The following ZNFX1 variants were observed in gnomAD, a reference collection of about 807,000 sequenced individuals.
ZNFX1 encodes zinc finger NFX1-type containing 1.
In ZNFX1, 78 loss-of-function variants were observed where a neutral mutation model predicts 179.8. The ratio of observed to expected loss-of-function variants is 0.43; its 90% CI spans 0.36 to 0.52. ZNFX1 has a LOEUF of 0.52. ZNFX1 is among the 20% of genes least tolerant of loss of function. The probability of loss-of-function intolerance (pLI) is 0.00; values close to 1 mark genes in which losing one functional copy is unlikely to be tolerated. For synonymous variants in ZNFX1, 848 were observed against 868.5 expected, an observed-to-expected ratio of 0.98 and a Z score of 0.42; for missense variants, 1,927 against 2,386.6, an observed-to-expected ratio of 0.81 and a Z score of 4.01.
rs1980702383 is a variant in ZNFX1, at chr20:49,247,308, T to G, written c.5716A>C (p.Asn1906His). 6.2e-7 allele frequency: 1 copy of G among 1,613,376 alleles called. No individual in the cohort carries two copies. The highest frequency in any genetic ancestry group is 1.3e-5 in the African/African-American group (1 of 74,936). The change falls in exon 14 of 14, where the codon AAC becomes CAC. Residue 1906 changes from asparagine to histidine, a missense_variant. Asn to His is a moderately conservative substitution (Grantham distance 68). Coordinates refer to ENST00000396105, the MANE Select transcript of ZNFX1 (RefSeq NM_021035.3). ...ATCTCCTCAAAGTTCATCAGGTTGTTGGCCGTGTCAGACCAGGCAGCATGC... is the reference window on the plus strand; with the variant it reads ...ATCTCCTCAAAGTTCATCAGGTTGTGGGCCGTGTCAGACCAGGCAGCATGC... Reference protein sequence around the residue: ...AQHAAWSDTANNLMNFEEIQG... With the variant: ...AQHAAWSDTAHNLMNFEEIQG...
Position 49,265,004 on chromosome 20 carries a change from A to G in ZNFX1, c.2003-140T>C, listed in dbSNP as rs1323153924. On this transcript the variant is annotated intron_variant, in intron 4 of 13. Transcript: ENST00000396105. ...TTAAAGGAAATTTACCCCATTAATG[A>G]GTGAGAAGGTCCCCGAGAAGATGTG... 4 of 1,106,388 alleles carry G rather than the reference A, an allele frequency of 3.6e-6. No individual in the cohort carries two copies. In the East Asian group the frequency reaches 9.6e-5, roughly 27 times the overall value. 68.5% of individuals were successfully genotyped at this position (1,106,388 alleles called of 1,614,324 possible).
chr20:49,272,365 T>C (rs1393763602), intron 2 of ZNFX1, among the ~76,000 whole-genome samples: 1 of 152,046 alleles, frequency 6.6e-6, no homozygotes, highest in Admixed American at 6.6e-5. Context: ...TTAGTAGAGA[T>C]GGGGTTTCAC....
chr20:49,259,797 C>A (rs767852239), intron 7 of ZNFX1, among the ~76,000 whole-genome samples: 1 of 152,122 alleles, frequency 6.6e-6, no homozygotes, highest in Non-Finnish European at 1.5e-5. Context: ...TGTTTCATTC[C>A]TTTTCACTGT....
At chr20:49,249,886 TTGGGGC>T (rs1408302258) in intron 13 of ZNFX1, among the ~76,000 whole-genome samples, 175 bp from the exon 14 acceptor site, 3 of 152,208 alleles carry the variant, frequency 2.0e-5, no homozygotes, top group Non-Finnish European at 4.4e-5. Flanking sequence ...GTGCTTCATT[TTGGGGC>T]CACAGCAAGT....
chr20:49,267,411 C>T (rs1371331798), intron 3 of ZNFX1, among the ~76,000 whole-genome samples: 2 of 151,596 alleles, frequency 1.3e-5, no homozygotes, highest in Admixed American at 6.6e-5. Context: ...GGGATCCTCC[C>T]ATCTCAGCCT....
rs1037350509 is a variant in ZNFX1, at chr20:49,247,045, T to C, written c.*222A>G. On this transcript the variant is annotated 3_prime_UTR_variant, in exon 14 of 14. Coordinates refer to ENST00000396105, the MANE Select transcript of ZNFX1 (RefSeq NM_021035.3). Reference sequence around the variant, plus strand: ...CATAACGCCCAGCTAATTTTTGTATTTTTAGTAGAGACGGGGTTTCGCCAT... The same window carrying C: ...CATAACGCCCAGCTAATTTTTGTATCTTTAGTAGAGACGGGGTTTCGCCAT... 1.8e-6 allele frequency: 1 copy of C among 545,470 alleles called. No individual in the cohort carries two copies. Among genetic ancestry groups the C allele is most frequent in the Admixed American group, 3.2e-5 (1 of 31,138 alleles). The allele number at this position is 545,470 out of a possible 1,614,324, so 33.8% of individuals were successfully genotyped here.
chr20:49,262,661 C>G lies in ZNFX1; in HGVS notation c.2301+673G>C, dbSNP rs1284668326. Reference sequence around the variant, plus strand: ...GCTTTTGGTTTGTAATCCTGTAAATCAGCAACCTAATGGTAACAAAGCTAC... The same window carrying G: ...GCTTTTGGTTTGTAATCCTGTAAATGAGCAACCTAATGGTAACAAAGCTAC... On this transcript the variant is annotated intron_variant, in intron 6 of 13. Coordinates refer to ENST00000396105, the MANE Select transcript of ZNFX1 (RefSeq NM_021035.3). Among the ~76,000 whole-genome samples, 3 of 152,166 alleles carry G rather than the reference C, an allele frequency of 2.0e-5. No homozygotes were observed. In the East Asian group the frequency reaches 5.8e-4, roughly 29 times the overall value.
At position 49,249,506 on chromosome 20, in the gene ZNFX1, G is replaced by A. The variant is rs200789034; in HGVS notation, c.3518C>T (p.Ala1173Val). The stretch of plus-strand genomic sequence containing the variant: ...GACCCTGACGCCAGCAAATGTCTTG[G>A]CAGGCATCAGTTTGCGCAGGCAGAA... ...QLFCLRKLMPAKTFAGVRVHV... is the reference protein window; with the variant it reads ...QLFCLRKLMPVKTFAGVRVHV... Residue 1173 changes from alanine to valine, a missense_variant, in exon 14 of 14, where the codon GCC (alanine) becomes GTC (valine). Transcript: ENST00000396105. The A allele has an allele frequency of 6.2e-7, 1 of 1,614,240 alleles. No homozygotes were observed. Among genetic ancestry groups the A allele is most frequent in the Non-Finnish European group, 8.5e-7 (1 of 1,180,044 alleles).
At chr20:49,250,960 C>T (rs568925705) in intron 13 of ZNFX1, among the ~76,000 whole-genome samples, 23 of 152,310 alleles carry the variant, frequency 1.5e-4, no homozygotes, top group Admixed American at 4.6e-4. Context: ...TCGCCCGCCT[C>T]GGCCTCACAA....
chr20:49,274,366 T>C (rs192696065), intron 2 of ZNFX1, among the ~76,000 whole-genome samples: 5 of 152,384 alleles, frequency 3.3e-5, no homozygotes, highest in Admixed American at 2.6e-4. Flanking sequence ...TAATAAACTA[T>C]AGTCAATTAT....
In ZNFX1 at chr20:49,246,550, GAGTT is replaced by G. The variant is rs1568979661; in HGVS notation, c.*713_*716del. The G allele has an allele frequency of 4.4e-6, 1 of 226,476 alleles. No individual in the cohort carries two copies. The highest frequency in any genetic ancestry group is 8.9e-6 in the Non-Finnish European group (1 of 112,034). The allele number at this position is 226,476 out of a possible 1,614,324, so 14.0% of individuals were successfully genotyped here. A position where few individuals can be genotyped will look rare whatever the true frequency, so the allele number is the denominator to read the frequency against. On this transcript the variant is annotated 3_prime_UTR_variant, in exon 14 of 14. Coordinates refer to ENST00000396105, the MANE Select transcript of ZNFX1 (RefSeq NM_021035.3). ...AACTATGGGCCTCTGTTTATTATGAGAGTTAGTCTGCAAATTAGGGCCTGGCAAT... is the reference window on the plus strand; with the variant it reads ...AACTATGGGCCTCTGTTTATTATGAGAGTCTGCAAATTAGGGCCTGGCAAT...
Position 49,248,236 on chromosome 20 carries a change from C to T in ZNFX1, c.4788G>A (p.Glu1596=). 1 of 1,614,126 alleles carries T rather than the reference C, an allele frequency of 6.2e-7. No homozygotes were observed. The highest frequency in any genetic ancestry group is 8.5e-7 in the Non-Finnish European group (1 of 1,180,038). The change falls in exon 14 of 14, where the codon GAG becomes GAA. Residue 1596 remains glutamate, a synonymous_variant. Transcript: ENST00000396105. The surrounding 1 kb of genome is among the most constrained non-coding windows in gnomAD (Gnocchi z 4.6). ...TCATGTAGCGGTCTAGGGCTTGCAC[C>T]TCAAAGATGTGGCTGCAGTCTTCCA... ...VQLEDCSHIF[E]VQALDRYMNE... is the part of the protein sequence containing the mutation.
chr20:49,257,661 T>G lies in ZNFX1; in HGVS notation c.2420A>C (p.Gln807Pro). The G allele has an allele frequency of 6.2e-7, 1 of 1,612,922 alleles. No homozygotes were observed. Among genetic ancestry groups the G allele is most frequent in the Non-Finnish European group, 8.5e-7 (1 of 1,179,824 alleles). Residue 807 changes from glutamine (Q) to proline (P), a missense_variant, in exon 8 of 14, where the codon CAG (glutamine) becomes CCG (proline). Physicochemically the swap from Gln to Pro is moderately conservative, Grantham distance 76. Transcript: ENST00000396105. ...VSPAGPENTAQAEGDEEEEGE... is the reference protein window; with the variant it reads ...VSPAGPENTAPAEGDEEEEGE... ...TTCTTCCTCCTCATCCCCTTCTGCC[T>G]GGGCTAAGAGAGAGAAACAGGCAGG...
chr20:49,249,052 C>T lies in ZNFX1; in HGVS notation c.3972G>A (p.Lys1324=), dbSNP rs370742143. The change falls in exon 14 of 14, where the codon AAG becomes AAA. Residue 1324 remains lysine, a synonymous_variant. Coordinates refer to ENST00000396105, the MANE Select transcript of ZNFX1 (RefSeq NM_021035.3). ...KEFQCMKPCQ[K]VICQEGHRCP... is the part of the protein sequence containing the mutation. ...ACCGGTGCCCTTCCTGACAGATGAC[C>T]TTCTGGCATGGCTTCATGCATTGGA... 8.6e-5 allele frequency: 139 copies of T among 1,614,124 alleles called. No individual in the cohort carries two copies. Among genetic ancestry groups the T allele is most frequent in the Middle Eastern group, 1.6e-4 (1 of 6,084 alleles).
intron 6 of ZNFX1, among the ~76,000 whole-genome samples, chr20:49,263,115 C>T (rs1319317634): frequency 1.3e-5 from 2 of 152,186 alleles, no homozygotes; most frequent in Admixed American, 1.3e-4. Context: ...AATTAAGTAA[C>T]TTGTCCAGAG....
At position 49,255,983 on chromosome 20, in the gene ZNFX1, G is replaced by A. The variant is rs367876063; in HGVS notation, c.2665-36C>T. The A allele has an allele frequency of 3.8e-5, 61 of 1,606,754 alleles. No individual in the cohort carries two copies. In the African/African-American group the frequency reaches 6.7e-4, roughly 18 times the overall value. On this transcript the variant is annotated intron_variant, in intron 8 of 13. Coordinates refer to ENST00000396105, the MANE Select transcript of ZNFX1 (RefSeq NM_021035.3). Reference sequence around the variant, plus strand: ...CAATACCAGGCAGGGTACTGTCTGAGCAGAGGCAGGCTTGGTTTTAAGCCC... The same window carrying A: ...CAATACCAGGCAGGGTACTGTCTGAACAGAGGCAGGCTTGGTTTTAAGCCC...
Position 49,249,687 on chromosome 20 carries a change from C to A in ZNFX1, c.3337G>T (p.Val1113Leu), listed in dbSNP as rs1306026076. ...TCCTGTTCAGGAAAGTTGTGTTCTACAAAGAAAAGGTTGGAAGACACCCCC... is the reference window on the plus strand; with the variant it reads ...TCCTGTTCAGGAAAGTTGTGTTCTAAAAAGAAAAGGTTGGAAGACACCCCC... ...IKGVSSNLFFVEHNFPEQEIQ... is the reference protein window; with the variant it reads ...IKGVSSNLFFLEHNFPEQEIQ... Residue 1113 changes from valine to leucine, a missense_variant, in exon 14 of 14, where the codon GTA (valine) becomes TTA (leucine). Physicochemically the swap from Val to Leu is conservative, Grantham distance 32. Coordinates refer to ENST00000396105, the MANE Select transcript of ZNFX1 (RefSeq NM_021035.3). 6.2e-7 allele frequency: 1 copy of A among 1,612,648 alleles called. No individual in the cohort carries two copies. The highest frequency in any genetic ancestry group is 8.5e-7 in the Non-Finnish European group (1 of 1,178,846).
chr20:49,254,455 A>G lies in ZNFX1; in HGVS notation c.2959+40T>C, dbSNP rs1227243653. 3.7e-6 allele frequency: 6 copies of G among 1,608,408 alleles called. 1 individual carries two copies. The South Asian group carries it at 6.6e-5, about 18-fold the overall frequency. The stretch of plus-strand genomic sequence containing the variant: ...CTTAGATAATCTGGCACCAGAAGTG[A>G]ACTTAGATGCAACAGGCAAATTTCT... On this transcript the variant is annotated intron_variant, in intron 10 of 13. Transcript: ENST00000396105.
chr20:49,261,573 A>G (rs1981111397), intron 6 of ZNFX1, among the ~76,000 whole-genome samples: 2 of 152,052 alleles, frequency 1.3e-5, no homozygotes, highest in Admixed American at 6.6e-5. Flanking sequence ...GGGAGGAGGG[A>G]GAGGAGCAGG....
Sources: gnomAD v4.1 joint callset for allele counts (sites outside exome capture counted in the v4.1 genomes callset) on GRCh38, gnomAD v4.1.1 for gene constraint, Gnocchi (gnomAD v3.1) non-coding constraint, MANE v1.5 for transcripts, NCBI Gene and HGNC (gene_info 2026-07-23, HGNC 2026-07-21) for gene names.